The following TENM2 variants were observed in gnomAD, a reference collection of about 807,000 sequenced individuals.
The protein encoded by TENM2 is teneurin transmembrane protein 2, also known as teneurin-2.
TENM2 carries 52 observed loss-of-function variants against 245.2 expected under a neutral mutation model. The ratio of observed to expected loss-of-function variants is 0.21; its 90% CI spans 0.17 to 0.27. The LOEUF (loss-of-function observed/expected upper bound fraction) is 0.27. Ranked by LOEUF, TENM2 falls within the 10% of genes least tolerant of loss-of-function variation. The probability of loss-of-function intolerance (pLI) is 1.00; values close to 1 mark genes in which losing one functional copy is unlikely to be tolerated. For synonymous variants in TENM2, 1,363 were observed against 1,438.9 expected, an observed-to-expected ratio of 0.95 and a Z score of 1.19; for missense variants, 3,046 against 3,666.8, an observed-to-expected ratio of 0.83 and a Z score of 4.37.
chr5:167,918,299 A>T (rs1157162477), intron 3 of TENM2, among the ~76,000 whole-genome samples: 2 of 152,176 alleles, frequency 1.3e-5, no homozygotes, highest in Non-Finnish European at 2.9e-5. Context: ...CATTTTCAGG[A>T]TGTGACTGGT....
chr5:167,814,143 C>T lies in TENM2; in HGVS notation c.503-61843C>T, dbSNP rs537408612. Among the ~76,000 whole-genome samples, 5 of 152,242 alleles carry T rather than the reference C, an allele frequency of 3.3e-5. No homozygotes were observed. In the East Asian group the frequency reaches 9.7e-4, roughly 29 times the overall value. On this transcript the variant is annotated intron_variant, in intron 2 of 28. Coordinates refer to ENST00000518659, the Ensembl canonical transcript of TENM2. ...TTTGTCAGTCTCCAGGGGCCAATTG[C>T]TAATGCAGCTAATACACGTTTGATC... is the stretch of plus-strand genomic sequence containing the variant.
intron 6 of TENM2, among the ~76,000 whole-genome samples, chr5:168,052,215 G>A (rs1054371581): frequency 2.0e-5 from 3 of 151,896 alleles, no homozygotes; most frequent in East Asian, 3.9e-4. Flanking sequence ...GTGAGACCCC[G>A]TCTCTACTAA....
chr5:167,192,180 G>T, the TENM2 span, among the ~76,000 whole-genome samples: 1 of 151,980 alleles, frequency 6.6e-6, no homozygotes, highest in Non-Finnish European at 1.5e-5. Flanking sequence ...TGGCTTTTCT[G>T]CTGAGTCTGG....
Position 168,238,787 on chromosome 5 carries a change from C to T in TENM2, c.5521-5633C>T, listed in dbSNP as rs188171070. Among the ~76,000 whole-genome samples, 409 of 152,244 alleles carry T rather than the reference C, an allele frequency of 2.7e-3. 3 individuals carry two copies. Among genetic ancestry groups the T allele is most frequent in the Non-Finnish European group, 4.4e-3 (299 of 68,018 alleles). On this transcript the variant is annotated intron_variant, in intron 25 of 28. Transcript: ENST00000518659. Reference sequence around the variant, plus strand: ...AGGGGAAACCACTTCCCAAAGTCTGCCCTCTGCAAAAATAAAAAAGCATGC... The same window carrying T: ...AGGGGAAACCACTTCCCAAAGTCTGTCCTCTGCAAAAATAAAAAAGCATGC...
At chr5:167,612,679 A>G (rs2127752865) in intron 2 of TENM2, among the ~76,000 whole-genome samples, 1 of 152,282 alleles carries the variant, frequency 6.6e-6, no homozygotes. Context: ...ACAAACTGTT[A>G]TCATACATTG....
intron 2 of TENM2, among the ~76,000 whole-genome samples, chr5:167,796,550 C>G (rs1765333949): frequency 6.6e-6 from 1 of 152,054 alleles, no homozygotes; most frequent in African/African-American, 2.4e-5. Flanking sequence ...GTCAATTCTC[C>G]CATTTATACA....
At chr5:167,847,695 T>C (rs890225485) in intron 2 of TENM2, among the ~76,000 whole-genome samples, 1 of 152,254 alleles carries the variant, frequency 6.6e-6, no homozygotes, top group Non-Finnish European at 1.5e-5. Flanking sequence ...GAAATGTTTC[T>C]GTATCTATGA....
At chr5:167,047,132 C>T in the TENM2 span, among the ~76,000 whole-genome samples, 1 of 152,140 alleles carries the variant, frequency 6.6e-6, no homozygotes, top group African/African-American at 2.4e-5. Flanking sequence ...GCTTTATTAC[C>T]ACTTGTTGTT....
the TENM2 span, among the ~76,000 whole-genome samples, chr5:167,195,545 G>C: frequency 2.0e-5 from 3 of 151,902 alleles, no homozygotes; most frequent in Non-Finnish European, 4.4e-5. Context: ...CATGAATAAC[G>C]TGTTTCAATA....
At chr5:167,104,068 G>A in the TENM2 span, among the ~76,000 whole-genome samples, 1 of 151,904 alleles carries the variant, frequency 6.6e-6, no homozygotes, top group Non-Finnish European at 1.5e-5. Flanking sequence ...TCTCTGTGCT[G>A]CATACAAACC....
In TENM2 at chr5:168,244,126, G is replaced by A. The variant is rs147105713; in HGVS notation, c.5521-294G>A. On this transcript the variant is annotated intron_variant, in intron 25 of 28. Transcript: ENST00000518659. The surrounding 1 kb of genome is among the most constrained non-coding windows in gnomAD (Gnocchi z 4.9). ...TAATTTTTATATTTTTAGTACAGAC[G>A]GGGTTTCACCATGTTGGCCAGGCTG... is the stretch of plus-strand genomic sequence containing the variant. Among the ~76,000 whole-genome samples, 392 of 151,882 alleles carry A rather than the reference G, an allele frequency of 2.6e-3. 7 individuals carry two copies. Among genetic ancestry groups the A allele is most frequent in the Admixed American group, 0.024 (360 of 15,262 alleles).
At chr5:168,147,140 CACCA>C (rs1158321419) in intron 12 of TENM2, among the ~76,000 whole-genome samples, 3 of 152,236 alleles carry the variant, frequency 2.0e-5, no homozygotes, top group African/African-American at 7.2e-5. Flanking sequence ...TTCACATTTC[CACCA>C]ACTTTTCATT....
chr5:168,155,004 C>G (rs1030843110), intron 12 of TENM2, among the ~76,000 whole-genome samples: 1 of 152,218 alleles, frequency 6.6e-6, no homozygotes, highest in Non-Finnish European at 1.5e-5. Context: ...TGCCTAGAAA[C>G]AGAGTCCCCG....
intron 2 of TENM2, among the ~76,000 whole-genome samples, chr5:167,401,644 G>T (rs1468492475): frequency 6.6e-6 from 1 of 152,134 alleles, no homozygotes; most frequent in African/African-American, 2.4e-5. Context: ...GCATCAGATT[G>T]TTGATGATAA....
At chr5:167,803,207 C>T (rs887314590) in intron 2 of TENM2, among the ~76,000 whole-genome samples, 1 of 152,080 alleles carries the variant, frequency 6.6e-6, no homozygotes, top group African/African-American at 2.4e-5. Context: ...GCCATTTACA[C>T]GGGAGGAAAC....
intron 13 of TENM2, among the ~76,000 whole-genome samples, chr5:168,172,414 A>G (rs1758928921): frequency 6.6e-6 from 1 of 152,226 alleles, no homozygotes; most frequent in East Asian, 1.9e-4. Flanking sequence ...CACATTGCCT[A>G]AATAAATCAT....
intron 2 of TENM2, chr5:167,721,412 A>G (rs7719478): frequency 0.98 from 149,174 of 152,326 alleles, 73,064 homozygotes; most frequent in East Asian, 1. Context: ...CTATAGGTAA[A>G]AGATCCGACT....
At chr5:167,566,027 A>T (rs2127650506) in intron 2 of TENM2, among the ~76,000 whole-genome samples, 1 of 152,276 alleles carries the variant, frequency 6.6e-6, no homozygotes, top group South Asian at 2.1e-4. Flanking sequence ...TTAAATTCTC[A>T]TCAGAAAGAT....
At position 167,333,203 on chromosome 5, in the gene TENM2, A is replaced by G. The variant is rs139496031; in HGVS notation, c.227-41995A>G. Among the ~76,000 whole-genome samples, 142 of 152,318 alleles carry G rather than the reference A, an allele frequency of 9.3e-4. 1 individual carries two copies. In the Middle Eastern group the frequency reaches 0.014, roughly 15 times the overall value. On this transcript the variant is annotated intron_variant, in intron 1 of 28. Coordinates refer to ENST00000518659, the Ensembl canonical transcript of TENM2. ...ACAGGAAAACTAGGCTGAATTACTA[A>G]TGGATTAGTAAGGCAAATCAGAGAA...
Sources: allele counts gnomAD v4.1 joint callset (sites outside exome capture counted in the v4.1 genomes callset), GRCh38; gene constraint gnomAD v4.1.1; non-coding constraint Gnocchi (gnomAD v3.1); transcripts MANE v1.5; gene names NCBI Gene and HGNC (gene_info 2026-07-23, HGNC 2026-07-21).